MAPK8IP3: variants seen among roughly 807,000 people sequenced by gnomAD.
MAPK8IP3 encodes the protein mitogen-activated protein kinase 8 interacting protein 3.
A neutral mutation model predicts 157.8 loss-of-function variants in MAPK8IP3; 49 were observed. The ratio of observed to expected loss-of-function variants is 0.31; its 90% CI spans 0.25 to 0.39. MAPK8IP3 has a LOEUF of 0.39. MAPK8IP3 is among the 10% of genes least tolerant of loss of function. MAPK8IP3 has a pLI of 1.00. For missense variants in MAPK8IP3, 1,478 were observed against 1,889.4 expected (o/e 0.78, Z 4.04); for synonymous variants, 897 against 777.7 (o/e 1.15, Z -2.55).
rs552404925 is a variant in MAPK8IP3, at chr16:1,756,012, C to T, written c.1217-2136C>T. ...ACAATCGAGGCTGACTAGGGTGGAG[C>T]AGGTGCTGCCCTACGTGCCAGCCAG... On this transcript the variant is annotated intron_variant, in intron 8 of 31. Transcript: ENST00000610761. Among the ~76,000 whole-genome samples, 7 of 152,292 alleles carry T rather than the reference C, an allele frequency of 4.6e-5. No individual in the cohort carries two copies. The South Asian group carries it at 1.2e-3, about 27-fold the overall frequency.
rs1253461342 is a variant in MAPK8IP3 at position 1,724,803 on chromosome 16, C to T, written c.439+126C>T. 7.9e-7 allele frequency: 1 copy of T among 1,264,878 alleles called. No individual in the cohort carries two copies. Among genetic ancestry groups the T allele is most frequent in the South Asian group, 1.4e-5 (1 of 69,694 alleles). 78.4% of individuals were successfully genotyped at this position (1,264,878 alleles called of 1,614,324 possible). A position where few individuals can be genotyped will look rare whatever the true frequency, so the allele number is the denominator to read the frequency against. On this transcript the variant is annotated intron_variant, in intron 2 of 31. Transcript: ENST00000610761. The surrounding 1 kb of genome is among the most constrained non-coding windows in gnomAD (Gnocchi z 4.1). ...GAGGAAGCCCAGTGGGAGCCTCAGC[C>T]ATGTATTCCAGCTCTTTGTACTGCT... is the stretch of plus-strand genomic sequence containing the variant.
rs774208114 is a variant in MAPK8IP3 at position 1,768,264 on chromosome 16, G to C, written c.3628G>C (p.Asp1210His). 1 of 1,612,134 alleles carries C rather than the reference G, an allele frequency of 6.2e-7. No homozygotes were observed. The highest frequency in any genetic ancestry group is 8.5e-7 in the Non-Finnish European group (1 of 1,180,004). Reference sequence around the variant, plus strand: ...CGGGGGCATCATCCACGTGTATGGCGATGACAGCAGTGACAGGGCGGCCAG... The same window carrying C: ...CGGGGGCATCATCCACGTGTATGGCCATGACAGCAGTGACAGGGCGGCCAG... ...RPGGIIHVYG[D>H]DSSDRAASSF... Residue 1210 changes from aspartate (D) to histidine (H), a missense_variant, in exon 30 of 32, where the codon GAT (aspartate) becomes CAT (histidine). Asp to His is a moderately conservative substitution (Grantham distance 81). Coordinates refer to ENST00000610761, the MANE Select transcript of MAPK8IP3 (RefSeq NM_001318852.2).
rs1410934984 is a variant in MAPK8IP3 at position 1,706,367 on chromosome 16, G to A, written c.28G>A (p.Gly10Ser). Residue 10 changes from glycine (G) to serine (S), a missense_variant, in exon 1 of 32, where the codon GGC becomes AGC. Coordinates refer to ENST00000610761, the MANE Select transcript of MAPK8IP3 (RefSeq NM_001318852.2). The surrounding 1 kb of genome is among the most constrained non-coding windows in gnomAD (Gnocchi z 5.1). MMEIQMDEG[G>S]GVVVYQDDYC... ...GATGGAGATCCAGATGGACGAGGGC[G>A]GCGGCGTGGTGGTGTACCAGGACGA... The A allele has an allele frequency of 2.4e-5, 38 of 1,604,034 alleles. No homozygotes were observed. The highest frequency in any genetic ancestry group is 3.1e-5 in the Non-Finnish European group (37 of 1,175,872).
In MAPK8IP3 at chr16:1,737,038, A is replaced by G. The variant is rs557674523; in HGVS notation, c.603-6294A>G. On this transcript the variant is annotated intron_variant, in intron 4 of 31. Transcript: ENST00000610761. ...TGAGAGTGTGACCATCCATGTGAGCATCCGTGTGACCGTCCGTGTGAGCGT... is the reference window on the plus strand; with the variant it reads ...TGAGAGTGTGACCATCCATGTGAGCGTCCGTGTGACCGTCCGTGTGAGCGT... Among the ~76,000 whole-genome samples, 5 of 42,230 alleles carry G rather than the reference A, an allele frequency of 1.2e-4. No individual in the cohort carries two copies. In the South Asian group the frequency reaches 5.7e-3, roughly 49 times the overall value. The allele number at this position is 42,230 out of a possible 152,430, so 27.7% of individuals were successfully genotyped here. A position where few individuals can be genotyped will look rare whatever the true frequency, so the allele number is the denominator to read the frequency against.
At chr16:1,752,815 C>A (rs2041371404) in intron 8 of MAPK8IP3, among the ~76,000 whole-genome samples, 1 of 151,804 alleles carries the variant, frequency 6.6e-6, no homozygotes, top group African/African-American at 2.4e-5. Context: ...GTGGGGACCT[C>A]CTGCTGCTGC....
rs1175716809 is a variant in MAPK8IP3 at position 1,768,241 on chromosome 16, G to C, written c.3605G>C (p.Gly1202Ala). 1 of 1,612,442 alleles carries C rather than the reference G, an allele frequency of 6.2e-7. No individual in the cohort carries two copies. The highest frequency in any genetic ancestry group is 1.7e-5 in the Admixed American group (1 of 60,026). Residue 1202 changes from glycine (G) to alanine (A), a missense_variant, in exon 30 of 32, where the codon GGG (glycine) becomes GCG (alanine). Gly to Ala is a moderately conservative substitution (Grantham distance 60). Around this residue, in one of 11 missense-constraint regions of MAPK8IP3, gnomAD observed 83 missense variants for 85.3 expected, o/e 0.97. Coordinates refer to ENST00000610761, the MANE Select transcript of MAPK8IP3 (RefSeq NM_001318852.2). ...SPTSGEGARP[G>A]GIIHVYGDDS... ...ACCTCTGGGGAGGGCGCCCGTCCCG[G>C]GGGCATCATCCACGTGTATGGCGAT...
At chr16:1,730,639 C>T (rs528342058) in intron 4 of MAPK8IP3, among the ~76,000 whole-genome samples, 7 of 152,158 alleles carry the variant, frequency 4.6e-5, no homozygotes, top group African/African-American at 9.6e-5. Flanking sequence ...GTCAGGAGAT[C>T]GAGACCATCC....
rs577133679 is a variant in MAPK8IP3 at position 1,718,577 on chromosome 16, T to G, written c.319-5980T>G. On this transcript the variant is annotated intron_variant, in intron 1 of 31. Transcript: ENST00000610761. ...GGGAACCCAAGGCAGGCAGATTCCTTGAGGTCAGGAGTTCAAGAGCAGCCT... is the reference window on the plus strand; with the variant it reads ...GGGAACCCAAGGCAGGCAGATTCCTGGAGGTCAGGAGTTCAAGAGCAGCCT... 2.0e-5 allele frequency among the ~76,000 whole-genome samples: 3 copies of G among 151,132 alleles called. No homozygotes were observed. In the South Asian group the frequency reaches 6.4e-4, roughly 32 times the overall value.
intron 10 of MAPK8IP3, 115 bp from the exon 11 acceptor site, chr16:1,759,843 G>A (rs559652268): frequency 1.7e-4 from 150 of 907,376 alleles, no homozygotes; most frequent in Non-Finnish European, 2.3e-4. Flanking sequence ...TAGATCGGGC[G>A]TCATCCCCAG....
chr16:1,744,121 C>T, intron 5 of MAPK8IP3: 1 of 985,716 alleles, frequency 1.0e-6, no homozygotes. Context: ...CAGAGCCAGG[C>T]CACTCCTTCA....
rs1266174772 is a variant in MAPK8IP3, at chr16:1,743,415, C to T, written c.686C>T (p.Pro229Leu). The T allele has an allele frequency of 3.7e-6, 6 of 1,610,048 alleles. No individual in the cohort carries two copies. The highest frequency in any genetic ancestry group is 5.1e-6 in the Non-Finnish European group (6 of 1,178,610). Reference protein sequence around the residue: ...VRAQIGGKLVPAGDHWHLSDL... With the variant: ...VRAQIGGKLVLAGDHWHLSDL... ...GCACAGATCGGGGGCAAGCTCGTGC[C>T]TGCGGGGGACCACTGGCACCTGAGT... is the stretch of plus-strand genomic sequence containing the variant. The change falls in exon 5 of 32, where the codon CCT (proline) becomes CTT (leucine). Residue 229 changes from proline to leucine, a missense_variant. Physicochemically the swap from Pro to Leu is moderately conservative, Grantham distance 98. This residue lies in a region of MAPK8IP3 where 315 missense variants were observed against 394.4 expected (regional missense o/e 0.80). Coordinates refer to ENST00000610761, the MANE Select transcript of MAPK8IP3 (RefSeq NM_001318852.2). This position sits in a 1 kb window ranked among gnomAD's most constrained non-coding sequence, Gnocchi z 5.6.
At chr16:1,765,373 G>C (rs898367031) in intron 20 of MAPK8IP3, among the ~76,000 whole-genome samples, 195 bp downstream of exon 20, 8 of 152,240 alleles carry the variant, frequency 5.3e-5, no homozygotes, top group Non-Finnish European at 1.2e-4. Flanking sequence ...GCTCGCGGCA[G>C]CCTCGGCCTC....
At chr16:1,719,841 GAAA>G (rs1232138736) in intron 1 of MAPK8IP3, among the ~76,000 whole-genome samples, 3 of 151,764 alleles carry the variant, frequency 2.0e-5, no homozygotes, top group Admixed American at 1.3e-4. Flanking sequence ...AAAAGTAAAA[GAAA>G]AAAAGCCTCA....
chr16:1,757,081 A>G (rs2041645307), intron 8 of MAPK8IP3, among the ~76,000 whole-genome samples: 2 of 152,154 alleles, frequency 1.3e-5, no homozygotes, highest in Non-Finnish European at 2.9e-5. Flanking sequence ...GATAACAAAC[A>G]GCCGTTTTGT....
intron 9 of MAPK8IP3, 22 bp downstream of exon 9, chr16:1,758,181 C>T (rs772247451): frequency 1.2e-6 from 2 of 1,613,414 alleles, no homozygotes; most frequent in South Asian, 2.2e-5. Context: ...ACTCTCCTGT[C>T]TGTCTCCCCT....
chr16:1,754,266 C>T (rs949077229), intron 8 of MAPK8IP3, among the ~76,000 whole-genome samples: 5 of 152,114 alleles, frequency 3.3e-5, no homozygotes, highest in African/African-American at 1.2e-4. Flanking sequence ...GCTATTACCG[C>T]ACTACCTGGT....
chr16:1,763,550 T>C (rs1269366271), intron 16 of MAPK8IP3, 107 bp from the exon 17 acceptor site: 10 of 1,342,414 alleles, frequency 7.4e-6, no homozygotes, highest in Non-Finnish European at 8.7e-6. Context: ...AAGGCGAGGA[T>C]GGGCCCAGGC....
chr16:1,729,616 C>T (rs976796945), intron 4 of MAPK8IP3, 38 bp downstream of exon 4: 12 of 1,539,808 alleles, frequency 7.8e-6, no homozygotes, highest in Non-Finnish European at 7.9e-6. Context: ...ACGCGGGGCG[C>T]GGCGGGGCGG....
In MAPK8IP3 at chr16:1,742,782, G is replaced by A. The variant is rs2141845259; in HGVS notation, c.603-550G>A. Among the ~76,000 whole-genome samples, 1 of 152,288 alleles carries A rather than the reference G, an allele frequency of 6.6e-6. No individual in the cohort carries two copies. Among genetic ancestry groups the A allele is most frequent in the South Asian group, 2.1e-4 (1 of 4,832 alleles). ...GACCGTGATGCCAAGTCCCGTGGCT[G>A]GCTCTGCTGTGGGGTGTCTAAAGCA... On this transcript the variant is annotated intron_variant, in intron 4 of 31. Coordinates refer to ENST00000610761, the MANE Select transcript of MAPK8IP3 (RefSeq NM_001318852.2). This position sits in a 1 kb window ranked among gnomAD's most constrained non-coding sequence, Gnocchi z 5.0.
Sources: gnomAD v4.1 joint callset for allele counts (sites outside exome capture counted in the v4.1 genomes callset) on GRCh38, gnomAD v4.1.1 for gene constraint, gnomAD v4.1.1 regional missense constraint, Gnocchi (gnomAD v3.1) non-coding constraint, MANE v1.5 for transcripts, NCBI Gene and HGNC (gene_info 2026-07-23, HGNC 2026-07-21) for gene names.